The following TNFRSF19 variants were observed in gnomAD, a reference collection of about 807,000 sequenced individuals.
TNFRSF19 encodes TNF receptor superfamily member 19, also known as tumor necrosis factor receptor superfamily member 19.
Under a neutral mutation model 46.4 loss-of-function variants are expected in TNFRSF19, and 27 were observed. The ratio of observed to expected loss-of-function variants is 0.58; its 90% CI spans 0.43 to 0.80. The LOEUF (loss-of-function observed/expected upper bound fraction) is 0.80, where lower values mean the gene tolerates loss of function less well. TNFRSF19 is among the 30% of genes least tolerant of loss of function. The pLI, the probability that TNFRSF19 is intolerant of heterozygous loss-of-function variation, is 0.00. For missense variants in TNFRSF19, 511 were observed against 530.8 expected, an observed-to-expected ratio of 0.96 and a Z score of 0.37; for synonymous variants, 204 against 205.0, an observed-to-expected ratio of 1.00 and a Z score of 0.04.
At chr13:23,579,681 G>A (rs1415608142) in intron 1 of TNFRSF19, among the ~76,000 whole-genome samples, 1 of 152,208 alleles carries the variant, frequency 6.6e-6, no homozygotes, top group Non-Finnish European at 1.5e-5. Flanking sequence ...GGAGTACTGC[G>A]CGGCGAAGGG....
At chr13:23,655,749 T>C (rs1018451308) in intron 5 of TNFRSF19, among the ~76,000 whole-genome samples, 6 of 146,202 alleles carry the variant, frequency 4.1e-5, no homozygotes, top group African/African-American at 1.5e-4. Flanking sequence ...CCCCCCCCCC[T>C]TATTTTTGGT....
intron 1 of TNFRSF19, among the ~76,000 whole-genome samples, chr13:23,582,427 G>T (rs958408220): frequency 2.6e-5 from 4 of 151,786 alleles, no homozygotes; most frequent in Admixed American, 2.0e-4. Context: ...ATAAAGATTT[G>T]GGATAATGCA....
intron 1 of TNFRSF19, among the ~76,000 whole-genome samples, chr13:23,573,837 C>T (rs1250181793): frequency 2.0e-5 from 3 of 151,944 alleles, no homozygotes; most frequent in Admixed American, 6.6e-5. Context: ...CCGAGGCAGA[C>T]GGATCACGAG....
intron 3 of TNFRSF19, among the ~76,000 whole-genome samples, chr13:23,607,115 T>TA (rs1880561910): frequency 7.2e-6 from 1 of 138,486 alleles, no homozygotes; most frequent in African/African-American, 3.0e-5. Flanking sequence ...TTATAAATAA[T>TA]CTTTTTTAAA....
At chr13:23,609,412 G>A (rs1293860869) in intron 3 of TNFRSF19, among the ~76,000 whole-genome samples, 1 of 152,162 alleles carries the variant, frequency 6.6e-6, no homozygotes, top group African/African-American at 2.4e-5. Context: ...GGGAGAGGAT[G>A]ATTTTTGTTT....
chr13:23,607,038 C>A (rs1880556109), intron 3 of TNFRSF19, among the ~76,000 whole-genome samples: 1 of 152,168 alleles, frequency 6.6e-6, no homozygotes, highest in Admixed American at 6.5e-5. Flanking sequence ...CCAAGCTTTA[C>A]AAATCAAGGG....
At chr13:23,661,155 T>C (rs1884342010) in intron 7 of TNFRSF19, among the ~76,000 whole-genome samples, 1 of 152,222 alleles carries the variant, frequency 6.6e-6, no homozygotes, top group South Asian at 2.1e-4. Flanking sequence ...TTAAGCCTAG[T>C]ACCCAATAGT....
At chr13:23,584,863 A>G (rs983951966) in intron 1 of TNFRSF19, among the ~76,000 whole-genome samples, 4 of 152,234 alleles carry the variant, frequency 2.6e-5, no homozygotes, top group Non-Finnish European at 4.4e-5. Flanking sequence ...CAACTCTACT[A>G]TGTAAGAAGA....
At chr13:23,606,725 C>G (rs1880538269) in intron 3 of TNFRSF19, among the ~76,000 whole-genome samples, 1 of 152,198 alleles carries the variant, frequency 6.6e-6, no homozygotes, top group African/African-American at 2.4e-5. Context: ...AAATCAGCAA[C>G]TTAACTTTGC....
intron 3 of TNFRSF19, among the ~76,000 whole-genome samples, chr13:23,606,255 T>G (rs1880502572): frequency 6.6e-6 from 1 of 152,206 alleles, no homozygotes; most frequent in Non-Finnish European, 1.5e-5. Flanking sequence ...TTGAAAGAGC[T>G]GTCCCCCTGT....
chr13:23,669,148 TC>T lies in TNFRSF19; in HGVS notation c.1245+52del, dbSNP rs1266176006. On this transcript the variant is annotated intron_variant, in intron 9 of 9. Coordinates refer to ENST00000248484, the MANE Select transcript of TNFRSF19 (RefSeq NM_148957.4). ...GAACACAGCACTGACTTACAGTAGATCAGAACTCTGTTCCCAGCATAAGATT... is the reference window on the plus strand; with the variant it reads ...GAACACAGCACTGACTTACAGTAGATAGAACTCTGTTCCCAGCATAAGATT... The T allele has an allele frequency of 3.2e-6, 5 of 1,565,832 alleles. No individual in the cohort carries two copies. The African/African-American group carries it at 5.5e-5, about 17-fold the overall frequency.
At chr13:23,665,362 G>C (rs1177306404) in intron 7 of TNFRSF19, among the ~76,000 whole-genome samples, 1 of 152,128 alleles carries the variant, frequency 6.6e-6, no homozygotes, top group Non-Finnish European at 1.5e-5. Flanking sequence ...GCCTTGTTGT[G>C]TGACCTCCTA....
rs1390592641 is a variant in TNFRSF19, at chr13:23,620,690, G to T, written c.359+4645G>T. 2.0e-5 allele frequency among the ~76,000 whole-genome samples: 3 copies of T among 152,324 alleles called. 1 individual carries two copies. In the East Asian group the frequency reaches 5.8e-4, roughly 29 times the overall value. ...ATATTGGACATTATTGCCAATTGAT[G>T]ATTTTGGGGGCCAGTGAAAACTTGG... On this transcript the variant is annotated intron_variant, in intron 4 of 9. Transcript: ENST00000248484.
chr13:23,666,226 G>C (rs1019065596), intron 7 of TNFRSF19, among the ~76,000 whole-genome samples: 1 of 152,116 alleles, frequency 6.6e-6, no homozygotes, highest in Non-Finnish European at 1.5e-5. Flanking sequence ...ATATCCTATA[G>C]GGGATACTTG....
At chr13:23,612,804 C>G (rs1174057199) in intron 3 of TNFRSF19, among the ~76,000 whole-genome samples, 2 of 152,138 alleles carry the variant, frequency 1.3e-5, no homozygotes, top group African/African-American at 4.8e-5. Context: ...AAGACCTCCA[C>G]CACATTAAGT....
intron 7 of TNFRSF19, among the ~76,000 whole-genome samples, chr13:23,664,409 G>A (rs991071164): frequency 4.0e-5 from 6 of 151,892 alleles, no homozygotes; most frequent in African/African-American, 1.5e-4. Context: ...TCTTCAGCAC[G>A]TGTTTTTACA....
intron 5 of TNFRSF19, among the ~76,000 whole-genome samples, chr13:23,644,672 G>C (rs1199292225): frequency 1.3e-5 from 2 of 152,200 alleles, no homozygotes; most frequent in Non-Finnish European, 2.9e-5. Flanking sequence ...AGCCCTCAGA[G>C]CATATTTGAG....
chr13:23,626,313 AC>A (rs1234204669), intron 4 of TNFRSF19, among the ~76,000 whole-genome samples: 1 of 151,802 alleles, frequency 6.6e-6, no homozygotes, highest in Non-Finnish European at 1.5e-5. Flanking sequence ...GTATTTCCCT[AC>A]ATTTTTCCGT....
chr13:23,645,131 TCAC>T (rs1883257022), intron 5 of TNFRSF19, among the ~76,000 whole-genome samples: 1 of 152,244 alleles, frequency 6.6e-6, no homozygotes, highest in African/African-American at 2.4e-5. Flanking sequence ...TTTTTAAAAA[TCAC>T]CAGTCTTTTT....
Sources: gnomAD v4.1 joint callset for allele counts (sites outside exome capture counted in the v4.1 genomes callset) on GRCh38, gnomAD v4.1.1 for gene constraint, MANE v1.5 for transcripts, NCBI Gene and HGNC (gene_info 2026-07-23, HGNC 2026-07-21) for gene names.